Variants in SESTD1 observed in about 807,000 individuals in gnomAD.
SESTD1 encodes SEC14 domain and spectrin repeat-containing protein 1.
In SESTD1, 43 loss-of-function variants were observed where a neutral mutation model predicts 101.7. That is an observed-to-expected ratio of 0.42 (90% CI 0.33 to 0.55). SESTD1 has a LOEUF of 0.55. Among genes scored for constraint, SESTD1 ranks in the 20% least tolerant of loss-of-function variants. SESTD1 has a pLI of 0.07. For synonymous variants in SESTD1, 283 were observed against 286.8 expected (o/e 0.99, Z 0.13); for missense variants, 647 against 815.1 (o/e 0.79, Z 2.51).
In SESTD1 at chr2:179,141,784, G is replaced by A. The variant is rs975461311; in HGVS notation, c.849+1808C>T. ...GGGTTCAGAATATGATTTTTGTACT[G>A]CTCTGCTACTCTATCTTAGTGGTTT... On this transcript the variant is annotated intron_variant, in intron 9 of 17. Transcript: ENST00000428443. Among the ~76,000 whole-genome samples, 30 of 152,058 alleles carry A rather than the reference G, an allele frequency of 2.0e-4. 1 individual carries two copies. Among genetic ancestry groups the A allele is most frequent in the Admixed American group, 2.0e-3 (30 of 15,256 alleles).
In SESTD1 at chr2:179,121,844, A is replaced by G; in HGVS notation, c.1368T>C (p.Asp456=). The G allele has an allele frequency of 6.2e-7, 1 of 1,610,290 alleles. No individual in the cohort carries two copies. The highest frequency in any genetic ancestry group is 8.5e-7 in the Non-Finnish European group (1 of 1,178,362). ...SNQASWAYGK[D]VTIENKENVD... ...CATTTTCTTTATTTTCAATGGTTAC[A>G]TCCTTTCCATAGGCCCAGGATGCCT... Residue 456 remains aspartate (D), a synonymous_variant, in exon 13 of 18, where the codon GAT becomes GAC. Transcript: ENST00000428443.
intron 16 of SESTD1, 108 bp from the exon 17 acceptor site, chr2:179,112,953 A>C: frequency 7.2e-7 from 1 of 1,398,194 alleles, no homozygotes; most frequent in Non-Finnish European, 9.5e-7. Context: ...AGACACAGAA[A>C]TGGAATCAAG....
At position 179,190,762 on chromosome 2, in the gene SESTD1, G is replaced by C. The variant is rs1049677347; in HGVS notation, c.55+1025C>G. On this transcript the variant is annotated intron_variant, in intron 2 of 17. Transcript: ENST00000428443. ...ACATTTCTCAAAAGAAGACACACAA[G>C]TGGCCAACAAGCATGCACATCACAG... Among the ~76,000 whole-genome samples, 7 of 152,244 alleles carry C rather than the reference G, an allele frequency of 4.6e-5. No homozygotes were observed. The East Asian group carries it at 1.2e-3, about 25-fold the overall frequency.
At chr2:179,116,925 T>C in intron 14 of SESTD1, 135 bp from the exon 15 acceptor site, 1 of 1,200,418 alleles carries the variant, frequency 8.3e-7, no homozygotes, top group Middle Eastern at 2.1e-4. Flanking sequence ...AAAAGCTTAT[T>C]TCATTCAATG....
At chr2:179,244,988 T>C (rs1428775259) in intron 1 of SESTD1, among the ~76,000 whole-genome samples, 6 of 152,210 alleles carry the variant, frequency 3.9e-5, no homozygotes, top group African/African-American at 1.4e-4. Context: ...ATACAATTAA[T>C]AGCTAGAGCA....
At chr2:179,250,818 G>A (rs1318160288) in intron 1 of SESTD1, among the ~76,000 whole-genome samples, 3 of 152,128 alleles carry the variant, frequency 2.0e-5, no homozygotes, top group African/African-American at 7.2e-5. Flanking sequence ...TATAGTTAGT[G>A]GCAATTTAAA....
chr2:179,112,954 T>C (rs1233236451), intron 16 of SESTD1, 109 bp from the exon 17 acceptor site: 12 of 1,395,042 alleles, frequency 8.6e-6, no homozygotes, highest in East Asian at 2.4e-5. Flanking sequence ...GACACAGAAA[T>C]GGAATCAAGC....
intron 1 of SESTD1, among the ~76,000 whole-genome samples, chr2:179,247,583 C>T (rs1022320002): frequency 7.1e-6 from 1 of 140,252 alleles, no homozygotes; most frequent in East Asian, 2.1e-4. Flanking sequence ...TACCACCACA[C>T]CTGGCTAATT....
At chr2:179,244,163 TAAAAC>T (rs1458767500) in intron 1 of SESTD1, among the ~76,000 whole-genome samples, 2 of 151,640 alleles carry the variant, frequency 1.3e-5, no homozygotes, top group Admixed American at 6.6e-5. Context: ...AATTTTTAAA[TAAAAC>T]AAAACCAGCT....
chr2:179,195,906 C>T (rs2046384042), intron 1 of SESTD1, among the ~76,000 whole-genome samples: 1 of 150,992 alleles, frequency 6.6e-6, no homozygotes, highest in Non-Finnish European at 1.5e-5. Context: ...AATTCTTGTC[C>T]TAAAATAGAA....
chr2:179,175,966 A>G (rs760830941), intron 4 of SESTD1, among the ~76,000 whole-genome samples: 3 of 152,228 alleles, frequency 2.0e-5, no homozygotes, highest in Non-Finnish European at 4.4e-5. Context: ...AAATAAGATC[A>G]TCGTGAATCC....
chr2:179,164,291 A>G (rs1367914888), intron 5 of SESTD1, among the ~76,000 whole-genome samples: 1 of 152,212 alleles, frequency 6.6e-6, no homozygotes, highest in East Asian at 1.9e-4. Flanking sequence ...ACAATTATGT[A>G]TAGTCTCAAA....
At chr2:179,144,678 T>C (rs1559111890) in intron 8 of SESTD1, among the ~76,000 whole-genome samples, 2 of 152,118 alleles carry the variant, frequency 1.3e-5, no homozygotes, top group Non-Finnish European at 2.9e-5. Context: ...GCTTTCAATA[T>C]ATAGCAACTG....
At chr2:179,111,470 A>G (rs1361704294) in intron 17 of SESTD1, among the ~76,000 whole-genome samples, 1 of 152,110 alleles carries the variant, frequency 6.6e-6, no homozygotes, top group Non-Finnish European at 1.5e-5. Flanking sequence ...CAGTTTTTAG[A>G]TGAGGGAATT....
intron 1 of SESTD1, among the ~76,000 whole-genome samples, chr2:179,223,414 G>C (rs2046840755): frequency 6.6e-6 from 1 of 151,926 alleles, no homozygotes; most frequent in Admixed American, 6.6e-5. Context: ...TAAAATAGGT[G>C]AAATTCATGA....
At chr2:179,172,679 G>T (rs1195446055) in intron 4 of SESTD1, among the ~76,000 whole-genome samples, 2 of 152,060 alleles carry the variant, frequency 1.3e-5, no homozygotes, top group African/African-American at 4.8e-5. Context: ...TATACAATGA[G>T]ACCAAGATTT....
chr2:179,183,893 CGAGGAAGG>C (rs2046163334), intron 2 of SESTD1, among the ~76,000 whole-genome samples: 1 of 129,624 alleles, frequency 7.7e-6, no homozygotes, highest in African/African-American at 2.9e-5. Context: ...AGGGAGGAAA[CGAGGAAGG>C]GAGGTAGGGA....
intron 5 of SESTD1, among the ~76,000 whole-genome samples, chr2:179,153,481 A>AAC (rs1055217971): frequency 1.1e-4 from 17 of 152,078 alleles, no homozygotes; most frequent in Non-Finnish European, 2.4e-4. Flanking sequence ...ATTTTAAATG[A>AAC]ACACACACAC....
At chr2:179,136,521 C>A (rs1452019807) in intron 9 of SESTD1, among the ~76,000 whole-genome samples, 1 of 152,132 alleles carries the variant, frequency 6.6e-6, no homozygotes, top group Non-Finnish European at 1.5e-5. Context: ...TCAATTGCTT[C>A]TCATTTATCA....
Sources: gnomAD v4.1 joint callset for allele counts (sites outside exome capture counted in the v4.1 genomes callset) on GRCh38, gnomAD v4.1.1 for gene constraint, MANE v1.5 for transcripts, NCBI Gene and HGNC (gene_info 2026-07-23, HGNC 2026-07-21) for gene names.